The following PCCA variants were observed in gnomAD, a reference collection of about 807,000 sequenced individuals.
PCCA encodes the protein propionyl-CoA carboxylase alpha chain, mitochondrial.
Under a neutral mutation model 101.3 loss-of-function variants are expected in PCCA, and 74 were observed. The ratio of observed to expected loss-of-function variants is 0.73; its 90% CI spans 0.61 to 0.89. The LOEUF is 0.89. Among genes scored for constraint, PCCA ranks in the 40% least tolerant of loss-of-function variants. The pLI is 0.00. For synonymous variants in PCCA, 294 were observed against 313.6 expected (o/e 0.94, Z 0.66); for missense variants, 891 against 907.0 (o/e 0.98, Z 0.23).
intron 6 of PCCA, among the ~76,000 whole-genome samples, chr13:100,164,578 A>C (rs1398992303): frequency 6.6e-6 from 1 of 152,254 alleles, no homozygotes; most frequent in Non-Finnish European, 1.5e-5. Flanking sequence ...GACCCAATTC[A>C]TGTAATCAAC....
chr13:100,443,173 T>A (rs966169828), intron 20 of PCCA, among the ~76,000 whole-genome samples: 1 of 152,158 alleles, frequency 6.6e-6, no homozygotes, highest in Non-Finnish European at 1.5e-5. Flanking sequence ...AGGCACCGTC[T>A]GTTTCTATGG....
intron 7 of PCCA, among the ~76,000 whole-genome samples, chr13:100,220,431 T>TC (rs1477779677): frequency 6.6e-6 from 1 of 150,582 alleles, no homozygotes; most frequent in African/African-American, 2.4e-5. Context: ...GACTAATTTT[T>TC]TTTTTTTTTT....
chr13:100,154,607 A>C, intron 4 of PCCA: 1 of 323,916 alleles, frequency 3.1e-6, no homozygotes, highest in Admixed American at 4.5e-5. Context: ...AGAACTGGGC[A>C]TGAGTGCTCT....
chr13:100,408,469 T>C (rs1193661670), intron 19 of PCCA, among the ~76,000 whole-genome samples: 1 of 152,244 alleles, frequency 6.6e-6, no homozygotes, highest in Admixed American at 6.5e-5. Flanking sequence ...TCACAGTTTT[T>C]ATCTTCCCTT....
chr13:100,523,176 A>C (rs958842142), intron 22 of PCCA, among the ~76,000 whole-genome samples: 2 of 152,140 alleles, frequency 1.3e-5, no homozygotes, highest in African/African-American at 4.8e-5. Flanking sequence ...TCTGTCTTTT[A>C]ATCTTTGTGG....
chr13:100,466,574 A>C (rs1386558823), intron 21 of PCCA, among the ~76,000 whole-genome samples: 1 of 152,228 alleles, frequency 6.6e-6, no homozygotes. Context: ...CTCGTTTGAA[A>C]TAGAATCTCT....
chr13:100,238,168 G>T (rs1013719484), intron 8 of PCCA, among the ~76,000 whole-genome samples: 5 of 151,916 alleles, frequency 3.3e-5, no homozygotes, highest in Non-Finnish European at 7.4e-5. Context: ...TCGAACTCCT[G>T]ACCTTAGGTG....
chr13:100,439,629 C>T (rs1472224603), intron 20 of PCCA, among the ~76,000 whole-genome samples: 2 of 151,584 alleles, frequency 1.3e-5, no homozygotes, highest in Non-Finnish European at 2.9e-5. Flanking sequence ...GTTTGTGTAC[C>T]GGGATTTAAT....
intron 20 of PCCA, among the ~76,000 whole-genome samples, chr13:100,445,416 T>C (rs1035394687): frequency 6.6e-6 from 1 of 152,232 alleles, no homozygotes; most frequent in African/African-American, 2.4e-5. Context: ...TTACCTCATA[T>C]ACTTATTCTG....
intron 8 of PCCA, among the ~76,000 whole-genome samples, chr13:100,248,294 T>G (rs2061562551): frequency 6.6e-6 from 1 of 152,152 alleles, no homozygotes; most frequent in South Asian, 2.1e-4. Flanking sequence ...TTCTTTTTGA[T>G]GACGACTTTA....
intron 18 of PCCA, among the ~76,000 whole-genome samples, chr13:100,343,170 T>C (rs533800057): frequency 5.3e-5 from 8 of 152,238 alleles, no homozygotes; most frequent in African/African-American, 1.9e-4. Context: ...CACTCCAGCC[T>C]GGGTGAAAGA....
chr13:100,121,071 G>T (rs2049318018), intron 4 of PCCA, among the ~76,000 whole-genome samples: 1 of 149,450 alleles, frequency 6.7e-6, no homozygotes, highest in African/African-American at 2.5e-5. Flanking sequence ...AAATACAAAT[G>T]ATTTTCATAT....
At chr13:100,272,759 G>A (rs2063382028) in intron 11 of PCCA, among the ~76,000 whole-genome samples, 1 of 152,052 alleles carries the variant, frequency 6.6e-6, no homozygotes, top group Non-Finnish European at 1.5e-5. Context: ...ATTGATTTTG[G>A]GGTTACAAAT....
intron 19 of PCCA, among the ~76,000 whole-genome samples, chr13:100,400,629 T>A (rs1166038338): frequency 1.0e-5 from 1 of 99,106 alleles, no homozygotes; most frequent in African/African-American, 5.4e-5. Flanking sequence ...TCTTTTTAGT[T>A]CTTTTTTTTT....
At chr13:100,481,888 A>T (rs2083970105) in intron 21 of PCCA, among the ~76,000 whole-genome samples, 1 of 152,252 alleles carries the variant, frequency 6.6e-6, no homozygotes, top group African/African-American at 2.4e-5. Context: ...TAAAGTTTAC[A>T]GTTCCTGGGG....
At chr13:100,499,337 T>C (rs1486128210) in intron 21 of PCCA, among the ~76,000 whole-genome samples, 5 of 152,206 alleles carry the variant, frequency 3.3e-5, no homozygotes, top group Non-Finnish European at 5.9e-5. Context: ...CAGAGAGAAA[T>C]GGCTTATCTG....
intron 6 of PCCA, among the ~76,000 whole-genome samples, chr13:100,194,355 A>C (rs887769424): frequency 6.6e-6 from 1 of 152,240 alleles, no homozygotes; most frequent in Non-Finnish European, 1.5e-5. Flanking sequence ...ATTTTCAAAG[A>C]AAATAGAAAA....
intron 11 of PCCA, among the ~76,000 whole-genome samples, chr13:100,269,249 AT>A: frequency 6.6e-6 from 1 of 152,188 alleles, no homozygotes; most frequent in Non-Finnish European, 1.5e-5. Flanking sequence ...TTGTTACTTG[AT>A]TTCCTCAGTG....
chr13:100,388,241 G>A (rs556380998), intron 19 of PCCA, among the ~76,000 whole-genome samples: 1 of 152,218 alleles, frequency 6.6e-6, no homozygotes, highest in Non-Finnish European at 1.5e-5. Context: ...GGCTGAGGCA[G>A]GAGGATCGCT....
Sources: allele counts gnomAD v4.1 joint callset (sites outside exome capture counted in the v4.1 genomes callset), GRCh38; gene constraint gnomAD v4.1.1; transcripts MANE v1.5; gene names NCBI Gene and HGNC (gene_info 2026-07-23, HGNC 2026-07-21).